Variants in PTPRF observed in about 807,000 individuals in gnomAD.
PTPRF encodes protein tyrosine phosphatase receptor type F, also known as receptor-type tyrosine-protein phosphatase F.
Under a neutral mutation model 201.8 loss-of-function variants are expected in PTPRF, and 59 were observed. The observed-to-expected ratio is 0.29, with a 90% CI of 0.24 to 0.36. PTPRF has a LOEUF of 0.36. Among genes scored for constraint, PTPRF ranks in the 10% least tolerant of loss-of-function variants. The pLI is 1.00. For missense variants in PTPRF, 2,132 were observed against 2,690.5 expected, an observed-to-expected ratio of 0.79 and a Z score of 4.59; for synonymous variants, 1,088 against 1,089.7, an observed-to-expected ratio of 1.00 and a Z score of 0.03.
Position 43,588,370 on chromosome 1 carries a change from C to G in PTPRF, c.680-361C>G, listed in dbSNP as rs1234839687. 1.3e-5 allele frequency among the ~76,000 whole-genome samples: 2 copies of G among 152,202 alleles called. No individual in the cohort carries two copies. Among genetic ancestry groups the G allele is most frequent in the Non-Finnish European group, 2.9e-5 (2 of 68,040 alleles). On this transcript the variant is annotated intron_variant, in intron 7 of 33. Coordinates refer to ENST00000359947, the MANE Select transcript of PTPRF (RefSeq NM_002840.5). The surrounding 1 kb of genome is among the most constrained non-coding windows in gnomAD (Gnocchi z 5.3). ...GCAGAGATAGGCCCTGGAGAACACCCTGGGTTGTGGTCCTGACCAGGCCTG... is the reference window on the plus strand; with the variant it reads ...GCAGAGATAGGCCCTGGAGAACACCGTGGGTTGTGGTCCTGACCAGGCCTG...
At chr1:43,604,868 AC>A (rs754902509) in intron 16 of PTPRF, 34 bp from the exon 17 acceptor site, 25 of 1,588,812 alleles carry the variant, frequency 1.6e-5, no homozygotes, top group Non-Finnish European at 2.1e-5. Context: ...CACCTCATAT[AC>A]CCAGCAGAGC....
upstream of PTPRF, among the ~76,000 whole-genome samples, chr1:43,524,588 T>G (rs111876117): frequency 6.6e-6 from 1 of 151,554 alleles, no homozygotes; most frequent in Admixed American, 6.6e-5. Context: ...CAGTTGAAGG[T>G]TGGGGGTGGT....
Position 43,554,299 on chromosome 1 carries a change from C to T in PTPRF, c.379+358C>T, listed in dbSNP as rs765691742. 1.5e-4 allele frequency among the ~76,000 whole-genome samples: 23 copies of T among 152,102 alleles called. No individual in the cohort carries two copies. Among genetic ancestry groups the T allele is most frequent in the Non-Finnish European group, 2.8e-4 (19 of 68,026 alleles). ...CAGTGAACCGGATTTCCATGTGGAG[C>T]CTGGCCGTAGGTGTCAGGCAGGTGT... On this transcript the variant is annotated intron_variant, in intron 5 of 33. Transcript: ENST00000359947. The surrounding 1 kb of genome is among the most constrained non-coding windows in gnomAD (Gnocchi z 4.1).
Position 43,597,937 on chromosome 1 carries a change from G to T in PTPRF, c.2003G>T (p.Ser668Ile). ...GATGGCATCAGCCGTGAGCACTCCA[G>T]CTGGGACCTGGTGGGCCTGGAGAAG... ...VVDGISREHS[S>I]WDLVGLEKWT... Residue 668 changes from serine (S) to isoleucine (I), a missense_variant, in exon 12 of 34, where the codon AGC becomes ATC. Physicochemically the swap from Ser to Ile is moderately radical, Grantham distance 142. Around this residue, in one of 6 missense-constraint regions of PTPRF, gnomAD observed 125 missense variants for 211.9 expected, o/e 0.59. Transcript: ENST00000359947. The T allele has an allele frequency of 6.3e-7, 1 of 1,587,322 alleles. No individual in the cohort carries two copies. Among genetic ancestry groups the T allele is most frequent in the Non-Finnish European group, 8.6e-7 (1 of 1,166,716 alleles).
chr1:43,613,306 G>T, intron 22 of PTPRF: 1 of 350,172 alleles, frequency 2.9e-6, no homozygotes, highest in South Asian at 2.8e-5. Context: ...ACCGACCTGG[G>T]CGTCCCACCC....
intron 11 of PTPRF, among the ~76,000 whole-genome samples, chr1:43,594,452 A>T (rs1163335766): frequency 6.6e-6 from 1 of 151,698 alleles, no homozygotes; most frequent in South Asian, 2.1e-4. Flanking sequence ...TGCCGGATCT[A>T]TGGCAGTCAG....
At position 43,622,290 on chromosome 1, in the gene PTPRF, GCTT is replaced by G. The variant is rs1331480689; in HGVS notation, c.*293_*295del. ...TCTGTTGCGCTCCCGCATTTCTCATGCTTCTTCTCATGGGGTGGGGTTGGGGCA... is the reference window on the plus strand; with the variant it reads ...TCTGTTGCGCTCCCGCATTTCTCATGCTTCTCATGGGGTGGGGTTGGGGCA... On this transcript the variant is annotated 3_prime_UTR_variant, in exon 34 of 34. Transcript: ENST00000359947. 1.3e-5 allele frequency: 6 copies of G among 454,416 alleles called. No homozygotes were observed. The highest frequency in any genetic ancestry group is 1.3e-4 in the South Asian group (4 of 31,940). The allele number at this position is 454,416 out of a possible 1,614,324, so 28.1% of individuals were successfully genotyped here. A position where few individuals can be genotyped will look rare whatever the true frequency, so the allele number is the denominator to read the frequency against.
At chr1:43,587,922 G>A (rs1649577411) in intron 7 of PTPRF, among the ~76,000 whole-genome samples, 1 of 152,146 alleles carries the variant, frequency 6.6e-6, no homozygotes. Flanking sequence ...GGTCAGGGGA[G>A]TCCAAGGCTG....
At chr1:43,527,269 G>A (rs533560089), upstream of PTPRF, among the ~76,000 whole-genome samples, 6 of 152,120 alleles carry the variant, frequency 3.9e-5, no homozygotes, top group South Asian at 2.1e-4. Flanking sequence ...ATCCCTCCCC[G>A]CCAGGCCCAG....
In PTPRF at chr1:43,620,157, G is replaced by T; in HGVS notation, c.5174G>T (p.Arg1725Leu). 1 of 1,614,106 alleles carries T rather than the reference G, an allele frequency of 6.2e-7. No homozygotes were observed. The highest frequency in any genetic ancestry group is 8.5e-7 in the Non-Finnish European group (1 of 1,179,980). Residue 1725 changes from arginine (R) to leucine (L), a missense_variant, in exon 30 of 34, where the codon CGC (arginine) becomes CTC (leucine). Physicochemically the swap from Arg to Leu is moderately radical, Grantham distance 102 (BLOSUM62 -2). Coordinates refer to ENST00000359947, the MANE Select transcript of PTPRF (RefSeq NM_002840.5). ...PLAESTEDFW[R>L]MLWEHNSTII... The stretch of plus-strand genomic sequence containing the variant: ...GCAGAGAGCACCGAGGACTTCTGGC[G>T]CATGCTATGGGAGCACAATTCCACC...
chr1:43,601,333 C>T (rs1409439013), intron 13 of PTPRF, among the ~76,000 whole-genome samples: 2 of 152,248 alleles, frequency 1.3e-5, no homozygotes, highest in African/African-American at 2.4e-5. Context: ...CTGCCAGCCC[C>T]GAAACATTCC....
chr1:43,602,163 TCTCC>T, intron 14 of PTPRF, 66 bp downstream of exon 14: 1 of 1,536,400 alleles, frequency 6.5e-7, no homozygotes, highest in Non-Finnish European at 9.0e-7. Flanking sequence ...ACGCTCCTCC[TCTCC>T]CTCCTTTCCT....
At chr1:43,600,964 G>C (rs1199909381) in intron 13 of PTPRF, among the ~76,000 whole-genome samples, 1 of 152,200 alleles carries the variant, frequency 6.6e-6, no homozygotes, top group East Asian at 1.9e-4. Flanking sequence ...GGACAGCCCA[G>C]GTCTCCCCGC....
At chr1:43,579,642 G>T in intron 7 of PTPRF, 1 of 204,292 alleles carries the variant, frequency 4.9e-6, no homozygotes, top group Non-Finnish European at 1.0e-5. Context: ...GCCTAGGGGT[G>T]ACTAAAGCTG....
intron 1 of PTPRF, among the ~76,000 whole-genome samples, chr1:43,534,759 A>G (rs1361591993): frequency 6.6e-6 from 1 of 152,168 alleles, no homozygotes; most frequent in African/African-American, 2.4e-5. Context: ...ATGAGAGACC[A>G]TAGAGCTGTG....
In PTPRF at chr1:43,605,406, C is replaced by G; in HGVS notation, c.3352C>G (p.Leu1118Val). ...SAYIEDGRFD[L>V]SMPHVQDPSL... The stretch of plus-strand genomic sequence containing the variant: ...CTACATAGAGGACGGCCGCTTCGAT[C>G]TCTCCATGCCCCATGTGCAAGACCC... The change falls in exon 18 of 34, where the codon CTC (leucine) becomes GTC (valine). Residue 1118 changes from leucine (L) to valine (V), a missense_variant. Leu to Val is a conservative substitution (Grantham distance 32). Around this residue, in one of 6 missense-constraint regions of PTPRF, gnomAD observed 818 missense variants for 915.3 expected, o/e 0.89. Transcript: ENST00000359947. 2 of 1,612,978 alleles carry G rather than the reference C, an allele frequency of 1.2e-6. No individual in the cohort carries two copies. The highest frequency in any genetic ancestry group is 1.3e-5 in the African/African-American group (1 of 75,048).
intron 3 of PTPRF, among the ~76,000 whole-genome samples, chr1:43,550,991 G>T (rs921242768): frequency 3.9e-5 from 6 of 152,204 alleles, no homozygotes; most frequent in African/African-American, 1.4e-4. Flanking sequence ...AGAGCAGCTG[G>T]GTCAGACCCC....
rs150871124 is a variant in PTPRF, at chr1:43,576,217, C to A, written c.569-2593C>A. ...TTCCAGGCCATCCCCACAGAAGGGACCCCATCAGCTCCTACTGTGAAACTT... is the reference window on the plus strand; with the variant it reads ...TTCCAGGCCATCCCCACAGAAGGGAACCCATCAGCTCCTACTGTGAAACTT... On this transcript the variant is annotated intron_variant, in intron 6 of 33. Transcript: ENST00000359947. Among the ~76,000 whole-genome samples the A allele has an allele frequency of 2.1e-4, 32 of 152,388 alleles. 1 individual carries two copies. The East Asian group carries it at 6.2e-3, about 29-fold the overall frequency.
chr1:43,524,513 A>G (rs1643041456), upstream of PTPRF, among the ~76,000 whole-genome samples: 1 of 152,122 alleles, frequency 6.6e-6, no homozygotes, highest in Admixed American at 6.5e-5. Flanking sequence ...TAAAATAAAT[A>G]AATAAAGTTG....
Sources: gnomAD v4.1 joint callset for allele counts (sites outside exome capture counted in the v4.1 genomes callset) on GRCh38, gnomAD v4.1.1 for gene constraint, gnomAD v4.1.1 regional missense constraint, Gnocchi (gnomAD v3.1) non-coding constraint, MANE v1.5 for transcripts, NCBI Gene and HGNC (gene_info 2026-07-23, HGNC 2026-07-21) for gene names.